The following USP6NL variants were observed in gnomAD, a reference collection of about 807,000 sequenced individuals.
USP6NL encodes USP6 N-terminal like.
In USP6NL, 26 loss-of-function variants were observed where a neutral mutation model predicts 61.9. The ratio of observed to expected loss-of-function variants is 0.42; its 90% confidence interval spans 0.31 to 0.58. The LOEUF (loss-of-function observed/expected upper bound fraction) is 0.58. Among genes scored for constraint, USP6NL ranks in the 20% least tolerant of loss-of-function variants. The pLI, the probability that USP6NL is intolerant of heterozygous loss-of-function variation, is 0.16. For synonymous variants in USP6NL, 432 were observed against 390.1 expected (o/e 1.11, Z -1.27); for missense variants, 1,114 against 1,034.3 (o/e 1.08, Z -1.06).
At chr10:11,567,149 C>T (rs994490931) in intron 2 of USP6NL, among the ~76,000 whole-genome samples, 2 of 152,166 alleles carry the variant, frequency 1.3e-5, no homozygotes, top group Admixed American at 6.5e-5. Context: ...AAGAATGGTG[C>T]TTAAATAGTC....
rs562034038 is a variant in USP6NL, at chr10:11,596,602, C to A, written c.4+1029G>T. 2.7e-5 allele frequency among the ~76,000 whole-genome samples: 4 copies of A among 147,704 alleles called. No individual in the cohort carries two copies. The South Asian group carries it at 8.6e-4, about 32-fold the overall frequency. Reference sequence around the variant, plus strand: ...TGGTGCCACTGCACTGCAGCCTGGGCGACAGAGGGAGACTCCGTCTCAAAA... The same window carrying A: ...TGGTGCCACTGCACTGCAGCCTGGGAGACAGAGGGAGACTCCGTCTCAAAA... On this transcript the variant is annotated intron_variant, in intron 2 of 14. Transcript: ENST00000609104. This position sits in a 1 kb window ranked among gnomAD's most constrained non-coding sequence, Gnocchi z 4.1.
chr10:11,474,572 T>C lies in USP6NL; in HGVS notation c.1078+7198A>G, dbSNP rs558228967. 1.6e-4 allele frequency among the ~76,000 whole-genome samples: 25 copies of C among 152,322 alleles called. No homozygotes were observed. Among genetic ancestry groups the C allele is most frequent in the African/African-American group, 5.3e-4 (22 of 41,566 alleles). Reference sequence around the variant, plus strand: ...AAATTTGCCAGATTTTAAAATACTATACTAACTTTTGTAAACTGAATTAAA... The same window carrying C: ...AAATTTGCCAGATTTTAAAATACTACACTAACTTTTGTAAACTGAATTAAA... On this transcript the variant is annotated intron_variant, in intron 14 of 14. Transcript: ENST00000609104. This position sits in a 1 kb window ranked among gnomAD's most constrained non-coding sequence, Gnocchi z 4.9.
At chr10:11,578,270 C>T (rs1312997951) in intron 2 of USP6NL, among the ~76,000 whole-genome samples, 2 of 152,232 alleles carry the variant, frequency 1.3e-5, no homozygotes, top group Non-Finnish European at 2.9e-5. Flanking sequence ...CACCCAACCT[C>T]ATCTGTAATT....
In USP6NL at chr10:11,591,643, G is replaced by C. The variant is rs571742546; in HGVS notation, c.4+5988C>G. 6.6e-6 allele frequency among the ~76,000 whole-genome samples: 1 copy of C among 152,134 alleles called. No individual in the cohort carries two copies. The highest frequency in any genetic ancestry group is 6.5e-5 in the Admixed American group (1 of 15,280). ...TAGAGGTGTGTGTGAGAGAGGGAAA[G>C]GGAGAGGGAGAATCAAATGGACAAA... On this transcript the variant is annotated intron_variant, in intron 2 of 14. Coordinates refer to ENST00000609104, the MANE Select transcript of USP6NL (RefSeq NM_014688.5). This position sits in a 1 kb window ranked among gnomAD's most constrained non-coding sequence, Gnocchi z 4.7.
chr10:11,476,750 G>A lies in USP6NL; in HGVS notation c.1078+5020C>T, dbSNP rs768883467. On this transcript the variant is annotated intron_variant, in intron 14 of 14. Transcript: ENST00000609104. The surrounding 1 kb of genome is among the most constrained non-coding windows in gnomAD (Gnocchi z 4.3). ...GACAGTGTATGTAGATTATAACAAT[G>A]ATAAAAAACTACATGTCAAAAAAAC... 1.6e-4 allele frequency among the ~76,000 whole-genome samples: 24 copies of A among 152,026 alleles called. No individual in the cohort carries two copies. The highest frequency in any genetic ancestry group is 3.2e-4 in the Non-Finnish European group (22 of 68,016).
At chr10:11,579,165 A>G (rs1837655654) in intron 2 of USP6NL, among the ~76,000 whole-genome samples, 1 of 152,258 alleles carries the variant, frequency 6.6e-6, no homozygotes. Context: ...TAAGACACTC[A>G]TAACCAAGAA....
rs187255329 is a variant in USP6NL at position 11,550,751 on chromosome 10, G to A, written c.5-23184C>T. Among the ~76,000 whole-genome samples the A allele has an allele frequency of 3.8e-3, 569 of 150,974 alleles. 4 individuals carry two copies. The highest frequency in any genetic ancestry group is 0.012 in the African/African-American group (495 of 41,102). ...CAGCTGGGCAACAGAGTGAGACTCC[G>A]TCTCAAAAAATAAATAAATAAAAAC... On this transcript the variant is annotated intron_variant, in intron 2 of 14. Transcript: ENST00000609104.
chr10:11,578,554 T>A (rs1422580601), intron 2 of USP6NL, among the ~76,000 whole-genome samples: 2 of 152,180 alleles, frequency 1.3e-5, no homozygotes, highest in African/African-American at 2.4e-5. Context: ...CAATGAGCTA[T>A]GATTGCACCA....
At chr10:11,552,091 C>G (rs1566175684) in intron 2 of USP6NL, among the ~76,000 whole-genome samples, 2 of 152,198 alleles carry the variant, frequency 1.3e-5, no homozygotes, top group Admixed American at 6.5e-5. Flanking sequence ...CACTATACTT[C>G]CTGCCAAGAC....
Position 11,462,618 on chromosome 10 carries a change from T to C in USP6NL, c.2310A>G (p.Ala770=), listed in dbSNP as rs768838635. 1 of 1,613,854 alleles carries C rather than the reference T, an allele frequency of 6.2e-7. No homozygotes were observed. The change falls in exon 15 of 15, where the codon GCA becomes GCG. Residue 770 remains alanine (A), a synonymous_variant. Transcript: ENST00000609104. ...CAGGGAGGCCATGGTCCTGAAAGGGTGCGAGTTGAAAGGCTGAGTATTTTG... is the reference window on the plus strand; with the variant it reads ...CAGGGAGGCCATGGTCCTGAAAGGGCGCGAGTTGAAAGGCTGAGTATTTTG... ...NLPKYSAFQL[A]PFQDHGLPAV... is the part of the protein sequence containing the mutation.
chr10:11,462,011 G>A lies in USP6NL; in HGVS notation c.*430C>T, dbSNP rs1039805345. 6.4e-6 allele frequency: 1 copy of A among 156,876 alleles called. No individual in the cohort carries two copies. Among genetic ancestry groups the A allele is most frequent in the African/African-American group, 2.4e-5 (1 of 41,550 alleles). The allele number at this position is 156,876 out of a possible 1,614,324, so 9.7% of individuals were successfully genotyped here. ...TTTAGCTCTGTGTTCAAATGTGGAT[G>A]AACAGATGCCTATATCTATTAAAAG... is the stretch of plus-strand genomic sequence containing the variant. On this transcript the variant is annotated 3_prime_UTR_variant, in exon 15 of 15. Transcript: ENST00000609104.
At chr10:11,493,697 G>A (rs545579842) in intron 7 of USP6NL, among the ~76,000 whole-genome samples, 1 of 152,344 alleles carries the variant, frequency 6.6e-6, no homozygotes, top group East Asian at 1.9e-4. Flanking sequence ...AATCTCCTCA[G>A]GTGATGTTCC....
chr10:11,506,341 A>T, intron 6 of USP6NL, among the ~76,000 whole-genome samples: 1 of 152,292 alleles, frequency 6.6e-6, no homozygotes, highest in East Asian at 1.9e-4. Context: ...CACTTCATAG[A>T]CTATATTTTT....
rs531719739 is a variant in USP6NL at position 11,577,512 on chromosome 10, T to C, written c.4+20119A>G. 3.9e-5 allele frequency among the ~76,000 whole-genome samples: 6 copies of C among 152,260 alleles called. No individual in the cohort carries two copies. The South Asian group carries it at 1.2e-3, about 32-fold the overall frequency. Reference sequence around the variant, plus strand: ...TTGTTTGTTTTTTTGTTTGTTTGTTTTGGGGGAGGACAGAGTCTCGCTCTG... The same window carrying C: ...TTGTTTGTTTTTTTGTTTGTTTGTTCTGGGGGAGGACAGAGTCTCGCTCTG... On this transcript the variant is annotated intron_variant, in intron 2 of 14. Coordinates refer to ENST00000609104, the MANE Select transcript of USP6NL (RefSeq NM_014688.5).
At position 11,562,551 on chromosome 10, in the gene USP6NL, G is replaced by A. The variant is rs1165258312; in HGVS notation, c.5-34984C>T. ...TGCTTGGCCACTGTGACTACTCTGA[G>A]TCTAGCTAGCCTGGACTGTTTCAGC... On this transcript the variant is annotated intron_variant, in intron 2 of 14. Coordinates refer to ENST00000609104, the MANE Select transcript of USP6NL (RefSeq NM_014688.5). The surrounding 1 kb of genome is among the most constrained non-coding windows in gnomAD (Gnocchi z 4.8). 35 of 985,282 alleles carry A rather than the reference G, an allele frequency of 3.6e-5. No individual in the cohort carries two copies. The highest frequency in any genetic ancestry group is 4.2e-5 in the Non-Finnish European group (35 of 829,928). 61.0% of individuals were successfully genotyped at this position (985,282 alleles called of 1,614,324 possible).
rs1555162770 is a variant in USP6NL at position 11,489,128 on chromosome 10, A to T, written c.638T>A (p.Phe213Tyr). ...ATGCATGGCATGTTTAGGGCCTGAG[A>T]AGAGTTTGACCAGGGCCCAGAAGGC... ...EDAFWALVKL[F>Y]SGPKHAMHGF... Residue 213 changes from phenylalanine (F) to tyrosine (Y), a missense_variant, in exon 10 of 15, where the codon TTC becomes TAC. Coordinates refer to ENST00000609104, the MANE Select transcript of USP6NL (RefSeq NM_014688.5). The surrounding 1 kb of genome is among the most constrained non-coding windows in gnomAD (Gnocchi z 5.7). 1.9e-6 allele frequency: 3 copies of T among 1,613,924 alleles called. No individual in the cohort carries two copies. The highest frequency in any genetic ancestry group is 1.1e-5 in the South Asian group (1 of 91,070).
In USP6NL at chr10:11,490,423, G is replaced by A. The variant is rs993357969; in HGVS notation, c.543+409C>T. Among the ~76,000 whole-genome samples the A allele has an allele frequency of 6.6e-6, 1 of 152,158 alleles. No individual in the cohort carries two copies. Among genetic ancestry groups the A allele is most frequent in the African/African-American group, 2.4e-5 (1 of 41,426 alleles). ...TATCTTGTTTGGACCTCACCTAATAGATAAATGTGATTGTGAAAAGTAACC... is the reference window on the plus strand; with the variant it reads ...TATCTTGTTTGGACCTCACCTAATAAATAAATGTGATTGTGAAAAGTAACC... On this transcript the variant is annotated intron_variant, in intron 9 of 14. Transcript: ENST00000609104. The surrounding 1 kb of genome is among the most constrained non-coding windows in gnomAD (Gnocchi z 4.5).
intron 5 of USP6NL, among the ~76,000 whole-genome samples, chr10:11,517,612 C>T (rs756932147): frequency 2.0e-5 from 3 of 152,160 alleles, no homozygotes; most frequent in Non-Finnish European, 2.9e-5. Context: ...TGAGAGAGAA[C>T]CAGACAGTCA....
intron 1 of USP6NL, among the ~76,000 whole-genome samples, chr10:11,610,011 A>C (rs1167226586): frequency 6.6e-6 from 1 of 152,208 alleles, no homozygotes. Context: ...TCAGGGCCCA[A>C]ATTCTTAATA....
Sources: gnomAD v4.1 joint callset for allele counts (sites outside exome capture counted in the v4.1 genomes callset) on GRCh38, gnomAD v4.1.1 for gene constraint, Gnocchi (gnomAD v3.1) non-coding constraint, MANE v1.5 for transcripts, NCBI Gene and HGNC (gene_info 2026-07-23, HGNC 2026-07-21) for gene names.